The following PCDHGB4 variants were observed in gnomAD, a reference collection of about 807,000 sequenced individuals.
The protein encoded by PCDHGB4 is protocadherin gamma-B4.
A neutral mutation model predicts 60.5 loss-of-function variants in PCDHGB4; 38 were observed. The observed-to-expected ratio is 0.63, with a 90% CI of 0.48 to 0.82. The LOEUF (loss-of-function observed/expected upper bound fraction) is 0.82, where lower values mean the gene tolerates loss of function less well. Ranked by LOEUF, PCDHGB4 falls within the 40% of genes least tolerant of loss-of-function variation. The probability of loss-of-function intolerance (pLI) is 0.00; values close to 1 mark genes in which losing one functional copy is unlikely to be tolerated. For synonymous variants in PCDHGB4, 456 were observed against 509.7 expected (o/e 0.89, Z 1.42); for missense variants, 1,109 against 1,209.6 (o/e 0.92, Z 1.23).
chr5:141,470,969 A>C (rs62379203), intron 1 of PCDHGB4, among the ~76,000 whole-genome samples: 16,337 of 151,332 alleles, frequency 0.11, 895 homozygotes, highest in South Asian at 0.15. Flanking sequence ...CTCCCACCTC[A>C]GCCTCCCAAA....
intron 1 of PCDHGB4, chr5:141,415,652 A>AG: frequency 6.3e-7 from 1 of 1,590,778 alleles, no homozygotes; most frequent in African/African-American, 1.4e-5. Flanking sequence ...AAAAAAAAAA[A>AG]GATTGGTTTT....
At chr5:141,409,984 GGACGCC>G (rs2095344357) in intron 1 of PCDHGB4, 1 of 1,613,210 alleles carries the variant, frequency 6.2e-7, no homozygotes, top group Admixed American at 1.7e-5. Context: ...TGGTAGCGGT[GGACGCC>G]GACTCGGGAC....
chr5:141,464,260 G>A (rs546781463), intron 1 of PCDHGB4, among the ~76,000 whole-genome samples: 1 of 131,668 alleles, frequency 7.6e-6, no homozygotes, highest in Non-Finnish European at 1.6e-5. Flanking sequence ...GCGAGACTCC[G>A]TCTAAAAAAA....
intron 1 of PCDHGB4, among the ~76,000 whole-genome samples, chr5:141,446,356 A>G (rs73280911): frequency 0.088 from 13,411 of 152,284 alleles, 771 homozygotes; most frequent in African/African-American, 0.16. Flanking sequence ...CTACCATTTG[A>G]TGAGAATGGA....
chr5:141,407,601 A>G (rs886898088), intron 1 of PCDHGB4, among the ~76,000 whole-genome samples: 3 of 152,168 alleles, frequency 2.0e-5, no homozygotes, highest in African/African-American at 7.2e-5. Flanking sequence ...CATCTTAAAA[A>G]GAAGCATTGG....
chr5:141,419,321 T>G, intron 1 of PCDHGB4: 1 of 1,613,950 alleles, frequency 6.2e-7, no homozygotes, highest in Non-Finnish European at 8.5e-7. Context: ...CGGCCGTGTC[T>G]CCTACTCTCT....
Position 141,447,676 on chromosome 5 carries a change from C to T in PCDHGB4, c.2398-47131C>T, listed in dbSNP as rs1466767844. Among the ~76,000 whole-genome samples the T allele has an allele frequency of 2.6e-5, 4 of 152,104 alleles. No individual in the cohort carries two copies. The East Asian group carries it at 7.7e-4, about 29-fold the overall frequency. On this transcript the variant is annotated intron_variant, in intron 1 of 3. Coordinates refer to ENST00000519479, the MANE Select transcript of PCDHGB4 (RefSeq NM_003736.4). The stretch of plus-strand genomic sequence containing the variant: ...CCCCCCCAGGAAGTTAGAACTGTTC[C>T]ATATCTTGATAGAGGGATGGGTTAT...
intron 1 of PCDHGB4, among the ~76,000 whole-genome samples, chr5:141,450,467 T>G (rs997813636): frequency 1.3e-5 from 2 of 151,944 alleles, no homozygotes; most frequent in African/African-American, 2.4e-5. Flanking sequence ...ATTTTATATA[T>G]AGAGTTTGTT....
chr5:141,412,170 A>G (rs1015665615), intron 1 of PCDHGB4: 2 of 152,230 alleles, frequency 1.3e-5, no homozygotes, highest in Non-Finnish European at 1.5e-5. Context: ...GATTATTTAT[A>G]CTGGTATTAA....
At chr5:141,398,249 T>C (rs1462140853) in intron 1 of PCDHGB4, 2 of 1,470,902 alleles carry the variant, frequency 1.4e-6, no homozygotes, top group Non-Finnish European at 1.8e-6. Context: ...CCCGAGGAAA[T>C]GCCCAAGGGC....
chr5:141,393,367 G>T, intron 1 of PCDHGB4: 1 of 1,613,962 alleles, frequency 6.2e-7, no homozygotes, highest in South Asian at 1.1e-5. Context: ...GTGCAGACTG[G>T]AGACAATGGA....
intron 1 of PCDHGB4, among the ~76,000 whole-genome samples, chr5:141,483,015 G>A (rs916071219): frequency 2.0e-5 from 3 of 152,044 alleles, no homozygotes; most frequent in African/African-American, 7.2e-5. Context: ...AACCCGGGAG[G>A]CAGAGGTTGC....
chr5:141,495,300 C>T (rs1249195819), intron 2 of PCDHGB4, among the ~76,000 whole-genome samples: 1 of 152,204 alleles, frequency 6.6e-6, no homozygotes, highest in Non-Finnish European at 1.5e-5. Context: ...AGCGCCTCCT[C>T]CAGAGCCTCC....
At chr5:141,428,540 C>T (rs1561836755) in intron 1 of PCDHGB4, 6 of 268,146 alleles carry the variant, frequency 2.2e-5, no homozygotes, top group South Asian at 8.6e-5. Context: ...CTCACCATGA[C>T]ACCAGAAACA....
In PCDHGB4 at chr5:141,493,079, G is replaced by A. The variant is rs1299289839; in HGVS notation, c.2398-1728G>A. 6.6e-6 allele frequency among the ~76,000 whole-genome samples: 1 copy of A among 152,204 alleles called. No homozygotes were observed. Among genetic ancestry groups the A allele is most frequent in the East Asian group, 1.9e-4 (1 of 5,196 alleles). Reference sequence around the variant, plus strand: ...AAAAACACAAGTTTCTCCAACTCCAGGAGCTTTTATTCAAAATATATCAAT... The same window carrying A: ...AAAAACACAAGTTTCTCCAACTCCAAGAGCTTTTATTCAAAATATATCAAT... On this transcript the variant is annotated intron_variant, in intron 1 of 3. Transcript: ENST00000519479. The surrounding 1 kb of genome is among the most constrained non-coding windows in gnomAD (Gnocchi z 4.3).
In PCDHGB4 at chr5:141,399,219, G is replaced by A. The variant is rs775267424; in HGVS notation, c.2397+8938G>A. The A allele has an allele frequency of 2.5e-6, 4 of 1,613,924 alleles. No homozygotes were observed. The South Asian group carries it at 3.3e-5, about 13-fold the overall frequency. On this transcript the variant is annotated intron_variant, in intron 1 of 3. Coordinates refer to ENST00000519479, the MANE Select transcript of PCDHGB4 (RefSeq NM_003736.4). Reference sequence around the variant, plus strand: ...CGGTGCCTGGAACACTAATTGCTTTGATCAAAATACATGACCAAGATTCTG... The same window carrying A: ...CGGTGCCTGGAACACTAATTGCTTTAATCAAAATACATGACCAAGATTCTG...
rs565813908 is a variant in PCDHGB4 at position 141,503,968 on chromosome 5, G to A, written c.2457-1425G>A. Among the ~76,000 whole-genome samples, 14 of 152,182 alleles carry A rather than the reference G, an allele frequency of 9.2e-5. No homozygotes were observed. The South Asian group carries it at 2.7e-3, about 29-fold the overall frequency. ...GGCCTACCCTACAGCCTTTCCCATG[G>A]TGCCAAACCCTTCTTCTTACCTTAC... On this transcript the variant is annotated intron_variant, in intron 2 of 3. Transcript: ENST00000519479.
intron 1 of PCDHGB4, chr5:141,430,634 C>A: frequency 1.1e-6 from 1 of 882,730 alleles, no homozygotes; most frequent in Non-Finnish European, 1.7e-6. Flanking sequence ...TGAACCATCC[C>A]TGGGAGTATG....
At chr5:141,474,016 G>A (rs1286684019) in intron 1 of PCDHGB4, among the ~76,000 whole-genome samples, 1 of 152,128 alleles carries the variant, frequency 6.6e-6, no homozygotes, top group Non-Finnish European at 1.5e-5. Context: ...GTTACAGTGA[G>A]CTATGATTAT....
Sources: gnomAD v4.1 joint callset for allele counts (sites outside exome capture counted in the v4.1 genomes callset) on GRCh38, gnomAD v4.1.1 for gene constraint, Gnocchi (gnomAD v3.1) non-coding constraint, MANE v1.5 for transcripts, NCBI Gene and HGNC (gene_info 2026-07-23, HGNC 2026-07-21) for gene names.